The following GNAL variants were observed in gnomAD, a reference collection of about 807,000 sequenced individuals.
GNAL encodes the protein guanine nucleotide-binding protein G(olf) subunit alpha.
GNAL carries 18 observed loss-of-function variants against 55.1 expected under a neutral mutation model. The ratio of observed to expected loss-of-function variants is 0.33; its 90% confidence interval spans 0.23 to 0.48. The LOEUF is 0.48. Ranked by LOEUF, GNAL falls within the 20% of genes least tolerant of loss-of-function variation. GNAL has a pLI of 0.99. For synonymous variants in GNAL, 253 were observed against 237.0 expected (o/e 1.07, Z -0.62); for missense variants, 412 against 614.1 (o/e 0.67, Z 3.48).
At chr18:11,778,574 TTTAG>T (rs770108812) in intron 4 of GNAL, among the ~76,000 whole-genome samples, 28 of 152,256 alleles carry the variant, frequency 1.8e-4, no homozygotes, top group Admixed American at 8.5e-4. Flanking sequence ...TATCTGGAGC[TTTAG>T]TTGCATCCTC....
intron 7 of GNAL, among the ~76,000 whole-genome samples, 165 bp from the exon 8 acceptor site, chr18:11,867,003 G>C (rs574332815): frequency 6.6e-6 from 1 of 152,290 alleles, no homozygotes; most frequent in Admixed American, 6.5e-5. Flanking sequence ...GCCACTTGCA[G>C]TCCAGGATCA....
chr18:11,741,540 A>T (rs1789545612), intron 1 of GNAL, among the ~76,000 whole-genome samples: 1 of 152,234 alleles, frequency 6.6e-6, no homozygotes, highest in African/African-American at 2.4e-5. Flanking sequence ...CAACTAGACT[A>T]TTAAATTAAT....
At chr18:11,784,139 G>T (rs1420815189) in intron 4 of GNAL, among the ~76,000 whole-genome samples, 1 of 152,270 alleles carries the variant, frequency 6.6e-6, no homozygotes, top group Non-Finnish European at 1.5e-5. Flanking sequence ...GTGCTTAGCA[G>T]CTATGCTTCC....
intron 1 of GNAL, among the ~76,000 whole-genome samples, chr18:11,695,084 G>A (rs1329327290): frequency 6.6e-6 from 1 of 151,998 alleles, no homozygotes; most frequent in Non-Finnish European, 1.5e-5. Context: ...GAATTCAGGG[G>A]GATGGGAAGC....
rs1399890911 is a variant in GNAL at position 11,752,686 on chromosome 18, C to G, written c.377-167C>G. On this transcript the variant is annotated intron_variant, in intron 1 of 11. Transcript: ENST00000334049. This position sits in a 1 kb window ranked among gnomAD's most constrained non-coding sequence, Gnocchi z 4.5. ...GGCCGGGCGAGGGTCGCGCGCACCT[C>G]TGGGCCGCGGAGCCCAGACGGCGGC... 8 of 1,278,002 alleles carry G rather than the reference C, an allele frequency of 6.3e-6. No homozygotes were observed. Among genetic ancestry groups the G allele is most frequent in the Non-Finnish European group, 7.3e-6 (7 of 960,048 alleles). 79.2% of individuals were successfully genotyped at this position (1,278,002 alleles called of 1,614,324 possible). A position where few individuals can be genotyped will look rare whatever the true frequency, so the allele number is the denominator to read the frequency against.
At chr18:11,870,090 C>T (rs112450669) in intron 9 of GNAL, among the ~76,000 whole-genome samples, 16 of 152,190 alleles carry the variant, frequency 1.1e-4, no homozygotes, top group African/African-American at 3.6e-4. Context: ...GCAAATACTA[C>T]ACCATTTCAT....
chr18:11,819,875 GACA>G (rs10611451), intron 4 of GNAL, among the ~76,000 whole-genome samples: 102,160 of 151,524 alleles, frequency 0.67, 36,538 homozygotes, highest in Admixed American at 0.81. Flanking sequence ...AATGACAACA[GACA>G]ACAAGAGAAA....
At chr18:11,724,584 G>A (rs1334796045) in intron 1 of GNAL, among the ~76,000 whole-genome samples, 1 of 152,212 alleles carries the variant, frequency 6.6e-6, no homozygotes, top group Non-Finnish European at 1.5e-5. Context: ...GGCTGTAGGT[G>A]CAGGCAGGGG....
In GNAL at chr18:11,689,773, G is replaced by A; in HGVS notation, c.210G>A (p.Lys70=). The A allele has an allele frequency of 6.6e-7, 1 of 1,525,876 alleles. No homozygotes were observed. Among genetic ancestry groups the A allele is most frequent in the Non-Finnish European group, 8.8e-7 (1 of 1,139,768 alleles). The allele number at this position is 1,525,876 out of a possible 1,614,324, so 94.5% of individuals were successfully genotyped here. ...SPACARPKAD[K]PKEKRQRTEQ... ...CATGCGCTCGGCCCAAAGCAGACAA[G>A]CCGAAGGAGAAGCGGCAGCGCACCG... Residue 70 remains lysine, a synonymous_variant, in exon 1 of 12, where the codon AAG becomes AAA. Coordinates refer to ENST00000334049, the MANE Select transcript of GNAL (RefSeq NM_182978.4).
intron 5 of GNAL, among the ~76,000 whole-genome samples, chr18:11,858,127 C>A (rs1173904027): frequency 6.6e-6 from 1 of 152,092 alleles, no homozygotes; most frequent in Non-Finnish European, 1.5e-5. Flanking sequence ...CATAAGAATT[C>A]TTTGACGCCA....
Position 11,752,966 on chromosome 18 carries a change from C to T in GNAL, c.449+41C>T, listed in dbSNP as rs1302886527. On this transcript the variant is annotated intron_variant, in intron 2 of 11. Transcript: ENST00000334049. The surrounding 1 kb of genome is among the most constrained non-coding windows in gnomAD (Gnocchi z 4.5). ...TTGCTTCCAAACTGCATGCAAACTTCGTCTCTCTCCCAGACGTCCCAAAAG... is the reference window on the plus strand; with the variant it reads ...TTGCTTCCAAACTGCATGCAAACTTTGTCTCTCTCCCAGACGTCCCAAAAG... 1.7e-6 allele frequency: 2 copies of T among 1,201,526 alleles called. No homozygotes were observed. The highest frequency in any genetic ancestry group is 2.4e-5 in the East Asian group (1 of 41,958). The allele number at this position is 1,201,526 out of a possible 1,614,324, so 74.4% of individuals were successfully genotyped here.
intron 4 of GNAL, among the ~76,000 whole-genome samples, chr18:11,802,187 C>T (rs1255812534): frequency 3.3e-5 from 5 of 152,132 alleles, no homozygotes; most frequent in Admixed American, 6.5e-5. Context: ...TTACGAACTT[C>T]GCCCGAAAAT....
intron 1 of GNAL, among the ~76,000 whole-genome samples, chr18:11,729,383 T>A (rs1474268903): frequency 1.3e-5 from 2 of 152,086 alleles, no homozygotes; most frequent in Non-Finnish European, 2.9e-5. Flanking sequence ...GCTCACCAAT[T>A]CCAGAGCTTC....
chr18:11,788,914 A>AAAAAAAAAAATATAT (rs60071996), intron 4 of GNAL, among the ~76,000 whole-genome samples: 7 of 56,302 alleles, frequency 1.2e-4, no homozygotes, highest in African/African-American at 4.0e-4. Context: ...AAAAAAAAAA[A>AAAAAAAAAAATATAT]ATATATATAT....
intron 1 of GNAL, 140 bp downstream of exon 1, chr18:11,690,079 C>T (rs1342912414): frequency 3.2e-5 from 13 of 406,906 alleles, no homozygotes; most frequent in Non-Finnish European, 4.7e-5. Flanking sequence ...TGGACCCGGA[C>T]GGGCGGCGGG....
Position 11,868,397 on chromosome 18 carries a change from C to A in GNAL, c.911-146C>A. ...TACTGAAGCAACCAGTGGTGCGCGG[C>A]GCACCTGCAGGCTGTTCTGTGACTG... On this transcript the variant is annotated intron_variant, in intron 8 of 11. Transcript: ENST00000334049. The surrounding 1 kb of genome is among the most constrained non-coding windows in gnomAD (Gnocchi z 4.0). The A allele has an allele frequency of 1.6e-6, 1 of 627,268 alleles. No homozygotes were observed. The allele number at this position is 627,268 out of a possible 1,614,324, so 38.9% of individuals were successfully genotyped here.
In GNAL at chr18:11,827,378, C is replaced by T. The variant is rs189015402; in HGVS notation, c.722+2363C>T. On this transcript the variant is annotated intron_variant, in intron 5 of 11. Coordinates refer to ENST00000334049, the MANE Select transcript of GNAL (RefSeq NM_182978.4). ...CTGTAATCCCAGCACTTTGGTAGGC[C>T]GAGGAGGGTGGATCACCTGAGGTCA... Among the ~76,000 whole-genome samples, 63 of 152,178 alleles carry T rather than the reference C, an allele frequency of 4.1e-4. No homozygotes were observed. In the East Asian group the frequency reaches 0.01, roughly 25 times the overall value.
At chr18:11,778,177 C>T (rs1441256082) in intron 4 of GNAL, among the ~76,000 whole-genome samples, 2 of 152,130 alleles carry the variant, frequency 1.3e-5, no homozygotes, top group Non-Finnish European at 2.9e-5. Context: ...AGCTGTTGTT[C>T]GATTTCCTGC....
At chr18:11,869,551 A>G (rs1478500366) in intron 9 of GNAL, among the ~76,000 whole-genome samples, 2 of 152,230 alleles carry the variant, frequency 1.3e-5, no homozygotes, top group Non-Finnish European at 2.9e-5. Context: ...TTCAGGTTCC[A>G]CATCTGCGGA....
Sources: gnomAD v4.1 joint callset for allele counts (sites outside exome capture counted in the v4.1 genomes callset) on GRCh38, gnomAD v4.1.1 for gene constraint, Gnocchi (gnomAD v3.1) non-coding constraint, MANE v1.5 for transcripts, NCBI Gene and HGNC (gene_info 2026-07-23, HGNC 2026-07-21) for gene names.